C5orf46: variants seen among roughly 807,000 people sequenced by gnomAD.
C5orf46 encodes the protein uncharacterized protein C5orf46.
C5orf46 carries 9 observed loss-of-function variants against 8.9 expected under a neutral mutation model. The ratio of observed to expected loss-of-function variants is 1.01; its 90% CI spans 0.61 to 1.76. The LOEUF (loss-of-function observed/expected upper bound fraction) is 1.76. C5orf46 is among the 40% of genes most tolerant of loss of function. The pLI is 0.00. For missense variants in C5orf46, 98 were observed against 107.8 expected, an observed-to-expected ratio of 0.91 and a Z score of 0.40; for synonymous variants, 47 against 41.4, an observed-to-expected ratio of 1.14 and a Z score of -0.52.
chr5:147,903,564 G>T (rs1757704403), intron 1 of C5orf46, among the ~76,000 whole-genome samples: 1 of 152,042 alleles, frequency 6.6e-6, no homozygotes, highest in Non-Finnish European at 1.5e-5. Flanking sequence ...TCCTAAAATG[G>T]AAACTATTAG....
intron 1 of C5orf46, among the ~76,000 whole-genome samples, chr5:147,905,108 C>T (rs1233766206): frequency 1.3e-5 from 2 of 151,820 alleles, no homozygotes; most frequent in African/African-American, 4.8e-5. Context: ...ATCCTAGAAA[C>T]AATCTTCAAA....
chr5:147,901,017 T>C (rs1757659484), intron 2 of C5orf46, among the ~76,000 whole-genome samples: 1 of 152,186 alleles, frequency 6.6e-6, no homozygotes, highest in Admixed American at 6.5e-5. Flanking sequence ...GAAGGCAGTC[T>C]CTCATGATGA....
intron 1 of C5orf46, among the ~76,000 whole-genome samples, chr5:147,902,310 G>T (rs1277229535): frequency 6.6e-6 from 1 of 152,062 alleles, no homozygotes; most frequent in East Asian, 1.9e-4. Context: ...AAGTAGCCAG[G>T]TGTGATGGTG....
chr5:147,886,654 C>T (rs1215122860), intron 2 of C5orf46: 1 of 151,154 alleles, frequency 6.6e-6, no homozygotes, highest in African/African-American at 2.4e-5. Flanking sequence ...TACAAACATA[C>T]ATGAATGATA....
rs924786410 is a variant in C5orf46 at position 147,896,983 on chromosome 5, C to T, written c.*9+1G>A. 6.8e-7 allele frequency: 1 copy of T among 1,469,168 alleles called. No individual in the cohort carries two copies. The highest frequency in any genetic ancestry group is 9.4e-7 in the Non-Finnish European group (1 of 1,066,220). 91.0% of individuals were successfully genotyped at this position (1,469,168 alleles called of 1,614,324 possible). ...GTTGTAAATTTTAAGTGAAAAATCA[C>T]CTGAGGATGTCACTTTGATGAATGT... On this transcript the variant is annotated splice_donor_variant, in intron 3 of 3. Transcript: ENST00000318315. LOFTEE classifies it low-confidence loss of function (3UTR_SPLICE).
intron 2 of C5orf46, among the ~76,000 whole-genome samples, chr5:147,901,007 G>A (rs1424824201): frequency 3.3e-5 from 5 of 152,180 alleles, no homozygotes; most frequent in Non-Finnish European, 5.9e-5. Context: ...TGATCTGCCC[G>A]AAGGCAGTCT....
intron 1 of C5orf46, among the ~76,000 whole-genome samples, chr5:147,905,369 T>G (rs1757735147): frequency 6.6e-6 from 1 of 152,232 alleles, no homozygotes; most frequent in Admixed American, 6.5e-5. Context: ...TTTAACCAGT[T>G]TCAGAGTTTA....
At chr5:147,895,696 C>T (rs1158728607) in intron 3 of C5orf46, among the ~76,000 whole-genome samples, 4 of 151,962 alleles carry the variant, frequency 2.6e-5, no homozygotes, top group African/African-American at 2.4e-5. Context: ...TACCAGAAGC[C>T]GGAATGAAGG....
intron 2 of C5orf46, among the ~76,000 whole-genome samples, chr5:147,897,659 G>A (rs1186096269): frequency 1.3e-5 from 2 of 152,184 alleles, no homozygotes. Flanking sequence ...ACAATGTGGG[G>A]ATAAAAGTTG....
chr5:147,892,375 G>A (rs1370184494), downstream of C5orf46, among the ~76,000 whole-genome samples: 1 of 152,158 alleles, frequency 6.6e-6, no homozygotes, highest in African/African-American at 2.4e-5. Flanking sequence ...TTTTAAAAAG[G>A]TCAGTTTTTA....
At chr5:147,887,326 TG>T (rs1757437871) in intron 2 of C5orf46, 1 of 152,144 alleles carries the variant, frequency 6.6e-6, no homozygotes. Context: ...AATTTTTCAC[TG>T]GGGATTCACA....
rs767448083 is a variant in C5orf46 at position 147,901,681 on chromosome 5, C to G, written c.163G>C (p.Glu55Gln). Reference protein sequence around the residue: ...FPKFLSLLGTEIIENAVEFIL... With the variant: ...FPKFLSLLGTQIIENAVEFIL... ...AACTCGACTGCATTCTCAATGATCT[C>G]TGTGCCCAGGAGGCTTAGGAATTTG... The change falls in exon 2 of 4, where the codon GAG (glutamate) becomes CAG (glutamine). Residue 55 changes from glutamate (E) to glutamine (Q), a missense_variant. By Grantham distance (29) the Glu-to-Gln change is conservative. Transcript: ENST00000318315. The G allele has an allele frequency of 1.2e-6, 2 of 1,614,070 alleles. No homozygotes were observed. The highest frequency in any genetic ancestry group is 4.5e-5 in the East Asian group (2 of 44,858).
chr5:147,890,869 T>G (rs1479471714), downstream of C5orf46, among the ~76,000 whole-genome samples: 2 of 152,166 alleles, frequency 1.3e-5, no homozygotes, highest in African/African-American at 2.4e-5. Context: ...TTAAATGAAG[T>G]GTTTGTTTCA....
At chr5:147,895,085 A>G (rs1237712746) in intron 3 of C5orf46, among the ~76,000 whole-genome samples, 2 of 151,998 alleles carry the variant, frequency 1.3e-5, no homozygotes, top group East Asian at 3.9e-4. Context: ...ATCAATGTTA[A>G]TAAGAGAAAC....
downstream of C5orf46, among the ~76,000 whole-genome samples, chr5:147,890,750 T>C (rs1050310247): frequency 6.6e-6 from 1 of 152,054 alleles, no homozygotes; most frequent in African/African-American, 2.4e-5. Context: ...ATTTAAAGAC[T>C]GACAAGGATC....
chr5:147,905,526 G>A (rs17625615), intron 1 of C5orf46, among the ~76,000 whole-genome samples: 6,015 of 152,192 alleles, frequency 0.04, 167 homozygotes, highest in South Asian at 0.073. Flanking sequence ...GTGTTCTTCA[G>A]CCAAGTTACA....
chr5:147,905,560 G>GA (rs1757738224), intron 1 of C5orf46, among the ~76,000 whole-genome samples: 1 of 152,180 alleles, frequency 6.6e-6, no homozygotes, highest in Admixed American at 6.6e-5. Flanking sequence ...GTCACTAAAT[G>GA]TTTGCACTCC....
intron 1 of C5orf46, 122 bp downstream of exon 1, chr5:147,906,310 G>A (rs745656431): frequency 5.9e-6 from 3 of 507,470 alleles, no homozygotes; most frequent in Non-Finnish European, 7.1e-6. Flanking sequence ...TCCCAGGCCA[G>A]TGCTCTTTCT....
At chr5:147,903,304 C>T (rs780904638) in intron 1 of C5orf46, among the ~76,000 whole-genome samples, 4 of 152,160 alleles carry the variant, frequency 2.6e-5, no homozygotes, top group Non-Finnish European at 5.9e-5. Flanking sequence ...ACAACAAATG[C>T]TTTTCTGGTA....
Sources: gnomAD v4.1 joint callset for allele counts (sites outside exome capture counted in the v4.1 genomes callset) on GRCh38, gnomAD v4.1.1 for gene constraint, MANE v1.5 for transcripts, NCBI Gene and HGNC (gene_info 2026-07-23, HGNC 2026-07-21) for gene names.